Variants in RALGPS1 observed in about 807,000 individuals in gnomAD.
RALGPS1 encodes ras-specific guanine nucleotide-releasing factor RalGPS1.
In RALGPS1, 19 loss-of-function variants were observed where a neutral mutation model predicts 78.8. That is an observed-to-expected ratio of 0.24 (90% confidence interval 0.17 to 0.35). The LOEUF (loss-of-function observed/expected upper bound fraction) is 0.35, where lower values mean the gene tolerates loss of function less well. Among genes scored for constraint, RALGPS1 ranks in the 10% least tolerant of loss-of-function variants. The pLI, the probability that RALGPS1 is intolerant of heterozygous loss-of-function variation, is 1.00. For missense variants in RALGPS1, 454 were observed against 688.3 expected (o/e 0.66, Z 3.81); for synonymous variants, 228 against 256.3 (o/e 0.89, Z 1.06).
intron 5 of RALGPS1, among the ~76,000 whole-genome samples, chr9:127,037,659 C>T (rs1294196595): frequency 6.6e-6 from 1 of 152,240 alleles, no homozygotes; most frequent in African/African-American, 2.4e-5. Flanking sequence ...CTCAGGTAGC[C>T]TCCCCCTGTG....
In RALGPS1 at chr9:127,091,201, C is replaced by A. The variant is rs971986787; in HGVS notation, c.610+21845C>A. Among the ~76,000 whole-genome samples, 6 of 152,246 alleles carry A rather than the reference C, an allele frequency of 3.9e-5. No homozygotes were observed. Among genetic ancestry groups the A allele is most frequent in the Non-Finnish European group, 8.8e-5 (6 of 68,046 alleles). ...TGCAATGTAGTTCTTGTCCTTACTT[C>A]CAGATGCAGAAACTGAGACCCACGG... On this transcript the variant is annotated intron_variant, in intron 8 of 18. Coordinates refer to ENST00000259351, the MANE Select transcript of RALGPS1 (RefSeq NM_014636.3). This position sits in a 1 kb window ranked among gnomAD's most constrained non-coding sequence, Gnocchi z 4.3.
intron 8 of RALGPS1, among the ~76,000 whole-genome samples, chr9:127,100,102 C>T (rs975131904): frequency 1.2e-4 from 18 of 152,130 alleles, no homozygotes; most frequent in African/African-American, 4.3e-4. Context: ...TTGAAAACAA[C>T]TTGTAGGTTA....
chr9:127,120,255 C>G (rs2055906920), intron 8 of RALGPS1, among the ~76,000 whole-genome samples: 2 of 152,236 alleles, frequency 1.3e-5, no homozygotes, highest in Admixed American at 6.5e-5. Flanking sequence ...AATAGGCAGA[C>G]AGGCAGTGCC....
chr9:126,994,918 T>G (rs2042599693), intron 4 of RALGPS1, among the ~76,000 whole-genome samples: 2 of 152,134 alleles, frequency 1.3e-5, no homozygotes, highest in Non-Finnish European at 2.9e-5. Flanking sequence ...GAATTTCATA[T>G]CCAGCCAAAC....
chr9:127,215,396 C>T (rs2062520137), intron 18 of RALGPS1, among the ~76,000 whole-genome samples: 2 of 152,246 alleles, frequency 1.3e-5, no homozygotes, highest in South Asian at 2.1e-4. Flanking sequence ...CTCCCCTGGT[C>T]GCCCCCAGCC....
intron 1 of RALGPS1, among the ~76,000 whole-genome samples, chr9:126,933,707 G>A (rs1397947825): frequency 6.6e-6 from 1 of 152,176 alleles, no homozygotes; most frequent in African/African-American, 2.4e-5. Context: ...GTGCACAGGT[G>A]TAGAGTAAGG....
chr9:127,094,362 G>C (rs1223048737), intron 8 of RALGPS1, among the ~76,000 whole-genome samples: 1 of 152,072 alleles, frequency 6.6e-6, no homozygotes, highest in Non-Finnish European at 1.5e-5. Context: ...ACATCAGTCA[G>C]TGCCTGCAGG....
chr9:127,085,526 A>AC (rs2136232982), intron 8 of RALGPS1, among the ~76,000 whole-genome samples: 1 of 151,934 alleles, frequency 6.6e-6, no homozygotes, highest in Non-Finnish European at 1.5e-5. Flanking sequence ...TAGTGAACTG[A>AC]CCCCTACCTT....
chr9:127,011,184 C>T (rs2044306504), intron 4 of RALGPS1, among the ~76,000 whole-genome samples: 1 of 148,074 alleles, frequency 6.8e-6, no homozygotes, highest in African/African-American at 2.5e-5. Flanking sequence ...CCCAGCCCGC[C>T]TTTTTTTTTT....
chr9:126,975,959 A>G (rs1371911808), intron 3 of RALGPS1, among the ~76,000 whole-genome samples: 1 of 152,094 alleles, frequency 6.6e-6, no homozygotes, highest in Non-Finnish European at 1.5e-5. Flanking sequence ...GGAGAGTACA[A>G]AGAGGCTCTC....
intron 4 of RALGPS1, among the ~76,000 whole-genome samples, chr9:127,020,127 A>G (rs2045305108): frequency 6.6e-6 from 1 of 152,016 alleles, no homozygotes; most frequent in Admixed American, 6.5e-5. Context: ...GGTATAAACT[A>G]TTTGCCATAA....
chr9:127,051,009 T>G (rs2048263723), intron 6 of RALGPS1, among the ~76,000 whole-genome samples: 1 of 152,200 alleles, frequency 6.6e-6, no homozygotes, highest in African/African-American at 2.4e-5. Flanking sequence ...GTGTCCATGC[T>G]CAGGGCCCCA....
chr9:127,217,202 T>A (rs2062633676), intron 18 of RALGPS1: 1 of 1,228,534 alleles, frequency 8.1e-7, no homozygotes, highest in Admixed American at 4.2e-5. Context: ...GGCTACAAGT[T>A]TTAAGGATTT....
chr9:127,209,168 C>G (rs1437149197), intron 14 of RALGPS1, among the ~76,000 whole-genome samples: 1 of 152,214 alleles, frequency 6.6e-6, no homozygotes, highest in African/African-American at 2.4e-5. Context: ...CAGAAGAAAT[C>G]CCCGGTGATT....
chr9:127,165,649 A>T (rs1056174357), intron 8 of RALGPS1, among the ~76,000 whole-genome samples: 3 of 152,192 alleles, frequency 2.0e-5, no homozygotes, highest in African/African-American at 7.2e-5. Context: ...ATAGACAAAT[A>T]GACAGCTGGG....
chr9:127,149,355 T>C (rs977822772), intron 8 of RALGPS1, among the ~76,000 whole-genome samples: 4 of 152,164 alleles, frequency 2.6e-5, no homozygotes, highest in African/African-American at 9.7e-5. Flanking sequence ...ATGGTAGGGG[T>C]GGTGCTGACA....
chr9:127,133,405 C>G (rs2057148538), intron 8 of RALGPS1, among the ~76,000 whole-genome samples: 1 of 152,272 alleles, frequency 6.6e-6, no homozygotes, highest in African/African-American at 2.4e-5. Context: ...AGTTGACAGA[C>G]TCAGCTGGTT....
intron 8 of RALGPS1, among the ~76,000 whole-genome samples, chr9:127,081,620 A>G (rs541848326): frequency 1.3e-5 from 2 of 152,292 alleles, no homozygotes; most frequent in South Asian, 4.1e-4. Context: ...CACTCCCTCC[A>G]CATTAACTAT....
At chr9:127,097,594 A>G (rs1238104572) in intron 8 of RALGPS1, among the ~76,000 whole-genome samples, 1 of 152,278 alleles carries the variant, frequency 6.6e-6, no homozygotes, top group African/African-American at 2.4e-5. Context: ...AAGAGTTAAC[A>G]TTGAAAAATT....
Sources: allele counts gnomAD v4.1 joint callset (sites outside exome capture counted in the v4.1 genomes callset), GRCh38; gene constraint gnomAD v4.1.1; non-coding constraint Gnocchi (gnomAD v3.1); transcripts MANE v1.5; gene names NCBI Gene and HGNC (gene_info 2026-07-23, HGNC 2026-07-21).